Variants in FNBP1 observed in about 807,000 individuals in gnomAD.
FNBP1 encodes formin binding protein 1.
Under a neutral mutation model 90.6 loss-of-function variants are expected in FNBP1, and 26 were observed. The observed-to-expected ratio is 0.29, with a 90% CI of 0.21 to 0.40. The LOEUF (loss-of-function observed/expected upper bound fraction) is 0.40, where lower values mean the gene tolerates loss of function less well. Ranked by LOEUF, FNBP1 falls within the 10% of genes least tolerant of loss-of-function variation. FNBP1 has a pLI of 1.00. For missense variants in FNBP1, 635 were observed against 768.0 expected (o/e 0.83, Z 2.05); for synonymous variants, 260 against 265.2 (o/e 0.98, Z 0.19).
chr9:129,915,926 C>G (rs1489529734), intron 11 of FNBP1, 40 bp downstream of exon 11: 2 of 1,540,694 alleles, frequency 1.3e-6, no homozygotes, highest in Admixed American at 3.5e-5. Flanking sequence ...GCCAGAAAAC[C>G]TGATTAGACT....
At chr9:130,043,254 G>A (rs545310719), upstream of FNBP1, 291 of 283,150 alleles carry the variant, frequency 1.0e-3, no homozygotes, top group Non-Finnish European at 1.4e-3. Flanking sequence ...GGGAGGGGCG[G>A]GGCCGGTCTG....
chr9:129,944,959 G>A (rs191356814), intron 6 of FNBP1, among the ~76,000 whole-genome samples: 19 of 152,226 alleles, frequency 1.2e-4, no homozygotes, highest in Admixed American at 9.8e-4. Context: ...CATACTAAGT[G>A]CCAAGTGTTG....
intron 6 of FNBP1, among the ~76,000 whole-genome samples, chr9:129,930,540 G>A (rs2042584213): frequency 6.6e-6 from 1 of 152,094 alleles, no homozygotes; most frequent in Non-Finnish European, 1.5e-5. Flanking sequence ...TTTTTGAGGA[G>A]TGCTATTTTA....
chr9:130,027,818 T>A (rs2058484603), intron 1 of FNBP1, among the ~76,000 whole-genome samples: 1 of 152,162 alleles, frequency 6.6e-6, no homozygotes, highest in South Asian at 2.1e-4. Context: ...TGTCTCTCTA[T>A]GTGTGCTGTT....
At chr9:129,899,371 C>A (rs1290036143) in intron 15 of FNBP1, among the ~76,000 whole-genome samples, 1 of 151,916 alleles carries the variant, frequency 6.6e-6, no homozygotes, top group African/African-American at 2.4e-5. Context: ...AGCCACCATG[C>A]CCGGCCAGAT....
chr9:129,958,985 C>CAAAAAAAACAAAAAAAAA (rs2047367007), intron 4 of FNBP1, among the ~76,000 whole-genome samples: 1 of 9,154 alleles, frequency 1.1e-4, no homozygotes, highest in African/African-American at 4.0e-4. Flanking sequence ...AACTCTGCCT[C>CAAAAAAAACAAAAAAAAA]AAAAAAAAAA....
intron 6 of FNBP1, among the ~76,000 whole-genome samples, chr9:129,950,819 G>C (rs1206219086): frequency 6.6e-6 from 1 of 151,698 alleles, no homozygotes; most frequent in Non-Finnish European, 1.5e-5. Context: ...TTTGAGACAG[G>C]GTCTTGCTCT....
At chr9:129,911,861 G>T (rs1188266536) in intron 11 of FNBP1, among the ~76,000 whole-genome samples, 4 of 151,744 alleles carry the variant, frequency 2.6e-5, no homozygotes, top group Non-Finnish European at 5.9e-5. Flanking sequence ...GAACCTGGGA[G>T]GCGGAGGTTG....
chr9:129,945,708 C>T (rs530310444), intron 6 of FNBP1, among the ~76,000 whole-genome samples: 21 of 152,220 alleles, frequency 1.4e-4, no homozygotes, highest in African/African-American at 2.9e-4. Flanking sequence ...TGATTCCAAC[C>T]GAAGAAAACC....
chr9:130,009,756 C>T (rs1417852255), intron 1 of FNBP1, among the ~76,000 whole-genome samples: 4 of 151,962 alleles, frequency 2.6e-5, no homozygotes, highest in African/African-American at 7.3e-5. Flanking sequence ...CAGCCGAGAT[C>T]GTGCCACTGC....
chr9:129,892,368 C>G (rs1299581289), intron 16 of FNBP1, among the ~76,000 whole-genome samples: 1 of 30,408 alleles, frequency 3.3e-5, no homozygotes, highest in African/African-American at 6.3e-5. Context: ...ACATCGTAGA[C>G]ACACACACAC....
intron 6 of FNBP1, among the ~76,000 whole-genome samples, chr9:129,935,986 C>T (rs186129873): frequency 9.2e-5 from 14 of 152,214 alleles, no homozygotes; most frequent in South Asian, 4.1e-4. Context: ...CAAAAGTAAT[C>T]GCAGTTTTTG....
intron 2 of FNBP1, among the ~76,000 whole-genome samples, chr9:129,986,135 T>TA (rs747224157): frequency 2.5e-4 from 38 of 150,432 alleles, no homozygotes; most frequent in African/African-American, 6.4e-4. Context: ...GACTTTGTCT[T>TA]AAAAAAAAAT....
upstream of FNBP1, chr9:130,044,941 T>A (rs1589465228): frequency 6.6e-6 from 1 of 151,382 alleles, no homozygotes; most frequent in Non-Finnish European, 1.5e-5. Context: ...TCTCAAAAAA[T>A]AAAATAAAAT....
chr9:129,987,953 C>G (rs1187604975), intron 2 of FNBP1, among the ~76,000 whole-genome samples: 2 of 151,966 alleles, frequency 1.3e-5, no homozygotes, highest in African/African-American at 4.8e-5. Flanking sequence ...CCTCTATATA[C>G]AATGAGCTCC....
At position 129,957,458 on chromosome 9, in the gene FNBP1, T is replaced by A; in HGVS notation, c.415A>T (p.Arg139Trp). 1 of 1,610,580 alleles carries A rather than the reference T, an allele frequency of 6.2e-7. No homozygotes were observed. Among genetic ancestry groups the A allele is most frequent in the African/African-American group, 1.3e-5 (1 of 74,986 alleles). Residue 139 changes from arginine (R) to tryptophan (W), a missense_variant, in exon 6 of 17, where the codon AGG becomes TGG. By Grantham distance (101) the Arg-to-Trp change is moderately radical. Transcript: ENST00000446176. This position sits in a 1 kb window ranked among gnomAD's most constrained non-coding sequence, Gnocchi z 4.3. ...TCTTTGCAATCGCGTTCAAATCGCC[T>A]TTTACTCTAAAATCAGAGGAAAATA... The part of the protein sequence containing the change: ...TCWKQLESSK[R>W]RFERDCKEAD...
chr9:129,922,551 G>A (rs2041266266), intron 10 of FNBP1, among the ~76,000 whole-genome samples: 1 of 152,070 alleles, frequency 6.6e-6, no homozygotes, highest in Non-Finnish European at 1.5e-5. Context: ...TAGGGTGGCT[G>A]GAAAAAAGTA....
intron 6 of FNBP1, among the ~76,000 whole-genome samples, chr9:129,951,685 T>A (rs1403952592): frequency 1.3e-5 from 2 of 151,736 alleles, no homozygotes; most frequent in Non-Finnish European, 2.9e-5. Context: ...GCTTAAGCGA[T>A]CCTCCCGCCT....
intron 1 of FNBP1, among the ~76,000 whole-genome samples, chr9:130,029,629 A>G (rs1435580005): frequency 6.6e-6 from 1 of 152,192 alleles, no homozygotes; most frequent in African/African-American, 2.4e-5. Flanking sequence ...AGGAATCAAA[A>G]TGTTAAACAG....
Sources: allele counts gnomAD v4.1 joint callset (sites outside exome capture counted in the v4.1 genomes callset), GRCh38; gene constraint gnomAD v4.1.1; non-coding constraint Gnocchi (gnomAD v3.1); transcripts MANE v1.5; gene names NCBI Gene and HGNC (gene_info 2026-07-23, HGNC 2026-07-21).